Variants in EIF4G3 observed in about 807,000 individuals in gnomAD.
The protein encoded by EIF4G3 is eIF-4-gamma 3.
In EIF4G3, 34 loss-of-function variants were observed where a neutral mutation model predicts 186.4. The ratio of observed to expected loss-of-function variants is 0.18; its 90% CI spans 0.14 to 0.24. EIF4G3 has a LOEUF of 0.24. EIF4G3 is among the 10% of genes least tolerant of loss of function. The probability of loss-of-function intolerance (pLI) is 1.00; values close to 1 mark genes in which losing one functional copy is unlikely to be tolerated. For missense variants in EIF4G3, 1,536 were observed against 1,948.5 expected (o/e 0.79, Z 3.99); for synonymous variants, 673 against 679.5 (o/e 0.99, Z 0.15).
intron 16 of EIF4G3, among the ~76,000 whole-genome samples, chr1:20,898,124 G>GT (rs199813241): frequency 6.6e-6 from 1 of 151,724 alleles, no homozygotes; most frequent in Non-Finnish European, 1.5e-5. Context: ...GAGTCCTAGG[G>GT]TTTTTTTAAA....
At chr1:20,964,973 T>A (rs1161271119) in intron 12 of EIF4G3, among the ~76,000 whole-genome samples, 2 of 152,178 alleles carry the variant, frequency 1.3e-5, no homozygotes, top group East Asian at 3.9e-4. Context: ...ACCTGCTGGG[T>A]GAGTTCCCTG....
At chr1:20,903,279 C>T (rs1020552752) in intron 15 of EIF4G3, among the ~76,000 whole-genome samples, 2 of 152,112 alleles carry the variant, frequency 1.3e-5, no homozygotes, top group Non-Finnish European at 2.9e-5. Context: ...TTGTGACAGC[C>T]TAAAATATTT....
In EIF4G3 at chr1:20,853,669, G is replaced by T. The variant is rs148411054; in HGVS notation, c.3442C>A (p.Arg1148=). ...CTGTTTAAACTGGAAGCACTTGACC[G>T]TAAGGCATCTACACATGTCGAGGAT... ...GAKASETDAL[R]SSASSLNRFS... The change falls in exon 27 of 37, where the codon CGG becomes AGG. Residue 1148 remains arginine, a synonymous_variant. Transcript: ENST00000602326. The T allele has an allele frequency of 2.5e-6, 4 of 1,609,170 alleles. No homozygotes were observed. In the East Asian group the frequency reaches 6.7e-5, roughly 27 times the overall value.
At chr1:21,010,849 TTC>T (rs1384395115) in intron 4 of EIF4G3, among the ~76,000 whole-genome samples, 1 of 152,220 alleles carries the variant, frequency 6.6e-6, no homozygotes, top group Admixed American at 6.5e-5. Context: ...ATCACTGAAT[TTC>T]CTACACAGTC....
At chr1:21,073,768 A>G (rs1214280035) in intron 3 of EIF4G3, 2 of 426,152 alleles carry the variant, frequency 4.7e-6, no homozygotes, top group Admixed American at 4.7e-5. Flanking sequence ...CACATGCTGG[A>G]TCATTCTGAG....
intron 14 of EIF4G3, among the ~76,000 whole-genome samples, chr1:20,919,682 T>C (rs950697800): frequency 6.6e-6 from 1 of 152,116 alleles, no homozygotes; most frequent in Non-Finnish European, 1.5e-5. Flanking sequence ...ATAAAGTAAA[T>C]TAGAAGGGAG....
In EIF4G3 at chr1:20,829,066, C is replaced by A. The variant is rs1303207553; in HGVS notation, c.4187+81G>T. 11 of 1,460,720 alleles carry A rather than the reference C, an allele frequency of 7.5e-6. No homozygotes were observed. In the East Asian group the frequency reaches 2.3e-4, roughly 31 times the overall value. The allele number at this position is 1,460,720 out of a possible 1,614,324, so 90.5% of individuals were successfully genotyped here. A position where few individuals can be genotyped will look rare whatever the true frequency, so the allele number is the denominator to read the frequency against. On this transcript the variant is annotated intron_variant, in intron 31 of 36. Coordinates refer to ENST00000602326, the MANE Select transcript of EIF4G3 (RefSeq NM_001391906.1). The stretch of plus-strand genomic sequence containing the variant: ...TGAGTCTCCAAAGGCGATAATGGGA[C>A]AGTACTATGATAGAGAGCTAGCAAG...
chr1:20,896,517 A>G (rs1300288053), intron 16 of EIF4G3, among the ~76,000 whole-genome samples: 3 of 152,074 alleles, frequency 2.0e-5, no homozygotes, highest in Admixed American at 2.0e-4. Flanking sequence ...TTTTAAGCTA[A>G]ATATTATTAT....
At chr1:21,106,801 T>C (rs2096625984) in intron 2 of EIF4G3, among the ~76,000 whole-genome samples, 1 of 152,146 alleles carries the variant, frequency 6.6e-6, no homozygotes, top group South Asian at 2.1e-4. Context: ...GTAAAGCAAC[T>C]TGCAGAGAAG....
chr1:21,033,317 T>C (rs901449568), intron 4 of EIF4G3, among the ~76,000 whole-genome samples: 1 of 152,116 alleles, frequency 6.6e-6, no homozygotes, highest in Admixed American at 6.5e-5. Context: ...TAAATACCTA[T>C]TAGTAACATC....
At chr1:20,931,499 G>C (rs2095308094) in intron 14 of EIF4G3, among the ~76,000 whole-genome samples, 1 of 152,130 alleles carries the variant, frequency 6.6e-6, no homozygotes, top group Admixed American at 6.5e-5. Flanking sequence ...AAGGGCCTTA[G>C]GACTTTCCAT....
intron 4 of EIF4G3, among the ~76,000 whole-genome samples, chr1:21,012,765 G>A (rs2087560368): frequency 6.6e-6 from 1 of 152,182 alleles, no homozygotes. Context: ...AACATGTGGA[G>A]ATTCACACCA....
chr1:20,997,701 C>A (rs1039420530), intron 6 of EIF4G3, 68 bp from the exon 7 acceptor site: 57 of 1,328,576 alleles, frequency 4.3e-5, no homozygotes, highest in Admixed American at 1.5e-4. Flanking sequence ...ACAACAAAAA[C>A]CAAAATTTCA....
rs554184709 is a variant in EIF4G3, at chr1:20,851,201, A to T, written c.3772+57T>A. The T allele has an allele frequency of 9.8e-6, 15 of 1,527,774 alleles. No homozygotes were observed. In the Admixed American group the frequency reaches 1.3e-4, roughly 13 times the overall value. The allele number at this position is 1,527,774 out of a possible 1,614,324, so 94.6% of individuals were successfully genotyped here. ...TCTACTCAGGCACAGTCTCTTTTTT[A>T]TTTTTCCTTCCAAATTTAAAACCCA... On this transcript the variant is annotated intron_variant, in intron 28 of 36. Transcript: ENST00000602326.
intron 2 of EIF4G3, among the ~76,000 whole-genome samples, chr1:21,124,398 T>A (rs1464536722): frequency 6.6e-6 from 1 of 152,202 alleles, no homozygotes; most frequent in Non-Finnish European, 1.5e-5. Flanking sequence ...TGAGATTGCT[T>A]CTTACATGGG....
At chr1:20,983,789 A>T (rs1358510610) in intron 7 of EIF4G3, among the ~76,000 whole-genome samples, 1 of 152,248 alleles carries the variant, frequency 6.6e-6, no homozygotes, top group Non-Finnish European at 1.5e-5. Context: ...CTATCATCAA[A>T]TAATGTCAAA....
intron 2 of EIF4G3, among the ~76,000 whole-genome samples, chr1:21,105,253 T>C (rs537627455): frequency 1.2e-4 from 18 of 152,264 alleles, no homozygotes; most frequent in Admixed American, 7.2e-4. Context: ...TGAAACCGCA[T>C]TTCTACTAAA....
chr1:20,929,329 G>C (rs1457316845), intron 14 of EIF4G3: 1 of 152,094 alleles, frequency 6.6e-6, no homozygotes, highest in African/African-American at 2.4e-5. Context: ...TCACAGCAGA[G>C]GTCACCTTGA....
At chr1:20,897,345 C>A (rs1370264794) in intron 16 of EIF4G3, among the ~76,000 whole-genome samples, 7 of 151,290 alleles carry the variant, frequency 4.6e-5, no homozygotes, top group African/African-American at 1.2e-4. Context: ...AAATAAGGAA[C>A]CTGATACAAC....
Sources: gnomAD v4.1 joint callset for allele counts (sites outside exome capture counted in the v4.1 genomes callset) on GRCh38, gnomAD v4.1.1 for gene constraint, MANE v1.5 for transcripts, NCBI Gene and HGNC (gene_info 2026-07-23, HGNC 2026-07-21) for gene names.